The following PDZRN3 variants were observed in gnomAD, a reference collection of about 807,000 sequenced individuals.
PDZRN3 encodes E3 ubiquitin-protein ligase PDZRN3.
Under a neutral mutation model 85.7 loss-of-function variants are expected in PDZRN3, and 38 were observed. That is an observed-to-expected ratio of 0.44 (90% CI 0.34 to 0.58). PDZRN3 has a LOEUF of 0.58. Ranked by LOEUF, PDZRN3 falls within the 20% of genes least tolerant of loss-of-function variation. The pLI, the probability that PDZRN3 is intolerant of heterozygous loss-of-function variation, is 0.01. For synonymous variants in PDZRN3, 759 were observed against 638.0 expected, an observed-to-expected ratio of 1.19 and a Z score of -2.86; for missense variants, 1,629 against 1,506.4, an observed-to-expected ratio of 1.08 and a Z score of -1.35.
At chr3:73,455,704 T>C (rs1043393230) in intron 3 of PDZRN3, among the ~76,000 whole-genome samples, 1 of 152,232 alleles carries the variant, frequency 6.6e-6, no homozygotes, top group Non-Finnish European at 1.5e-5. Context: ...CTAGTTTAAA[T>C]AATAATAGAT....
At chr3:73,507,167 C>T (rs1236086885) in intron 3 of PDZRN3, among the ~76,000 whole-genome samples, 1 of 50,786 alleles carries the variant, frequency 2.0e-5, no homozygotes, top group Non-Finnish European at 3.5e-5. Context: ...GCATAGATTT[C>T]ATTCTCATTT....
At chr3:73,593,345 T>C (rs1702387515) in intron 3 of PDZRN3, among the ~76,000 whole-genome samples, 1 of 152,174 alleles carries the variant, frequency 6.6e-6, no homozygotes, top group African/African-American at 2.4e-5. Context: ...GCTTTGTGGA[T>C]TACCTAATTA....
intron 1 of PDZRN3, among the ~76,000 whole-genome samples, chr3:73,611,751 CTACTT>C (rs752085423): frequency 3.5e-4 from 53 of 152,320 alleles, no homozygotes; most frequent in Non-Finnish European, 6.9e-4. Context: ...ACAACCTTAA[CTACTT>C]TAGTTTAACT....
chr3:73,502,921 C>T (rs1240698880), intron 3 of PDZRN3, among the ~76,000 whole-genome samples: 1 of 152,182 alleles, frequency 6.6e-6, no homozygotes, highest in Non-Finnish European at 1.5e-5. Context: ...ATACTTTCTA[C>T]AAGATGGTCA....
In PDZRN3 at chr3:73,462,829, TA is replaced by T. The variant is rs569270919; in HGVS notation, c.919-58435del. Among the ~76,000 whole-genome samples, 6 of 152,326 alleles carry T rather than the reference TA, an allele frequency of 3.9e-5. No individual in the cohort carries two copies. The East Asian group carries it at 1.2e-3, about 29-fold the overall frequency. ...CATTAGCACATTTAACATTTGCAAC[TA>T]CCTTTTGCCTTAAGTCTTATTGGCC... is the stretch of plus-strand genomic sequence containing the variant. On this transcript the variant is annotated intron_variant, in intron 3 of 9. Coordinates refer to ENST00000263666, the MANE Select transcript of PDZRN3 (RefSeq NM_015009.3).
intron 3 of PDZRN3, among the ~76,000 whole-genome samples, chr3:73,513,453 G>A (rs1429197165): frequency 2.0e-5 from 3 of 152,176 alleles, no homozygotes; most frequent in African/African-American, 7.2e-5. Flanking sequence ...ACATCAGGCA[G>A]CAGATGCTCA....
At chr3:73,521,166 T>G (rs1432580845) in intron 3 of PDZRN3, among the ~76,000 whole-genome samples, 1 of 152,198 alleles carries the variant, frequency 6.6e-6, no homozygotes, top group Non-Finnish European at 1.5e-5. Flanking sequence ...TCAGGAGCAC[T>G]GGGTTGCCGG....
Position 73,533,485 on chromosome 3 carries a change from T to C in PDZRN3, c.918+68869A>G, listed in dbSNP as rs182680990. On this transcript the variant is annotated intron_variant, in intron 3 of 9. Coordinates refer to ENST00000263666, the MANE Select transcript of PDZRN3 (RefSeq NM_015009.3). Reference sequence around the variant, plus strand: ...TCTTTTTTTTATTTTGAACTCCAAATGCAATAATTGAAAACATATCTATCC... The same window carrying C: ...TCTTTTTTTTATTTTGAACTCCAAACGCAATAATTGAAAACATATCTATCC... Among the ~76,000 whole-genome samples, 1,483 of 152,276 alleles carry C rather than the reference T, an allele frequency of 9.7e-3. 25 individuals carry two copies. Among genetic ancestry groups the C allele is most frequent in the African/African-American group, 0.033 (1,376 of 41,552 alleles).
At chr3:73,552,870 T>A (rs1039157760) in intron 3 of PDZRN3, among the ~76,000 whole-genome samples, 1 of 152,194 alleles carries the variant, frequency 6.6e-6, no homozygotes, top group Non-Finnish European at 1.5e-5. Flanking sequence ...CCGAGCACAG[T>A]TGCTCAGTGT....
chr3:73,423,427 C>T (rs1702241174), intron 3 of PDZRN3, among the ~76,000 whole-genome samples: 1 of 152,190 alleles, frequency 6.6e-6, no homozygotes, highest in Non-Finnish European at 1.5e-5. Context: ...TCCCAGATGT[C>T]TAACAAATTA....
chr3:73,520,336 C>G (rs777834256), intron 3 of PDZRN3, among the ~76,000 whole-genome samples: 41 of 151,990 alleles, frequency 2.7e-4, no homozygotes, highest in Non-Finnish European at 5.4e-4. Context: ...GAGGCCTTGT[C>G]TCTATTAAAA....
At chr3:73,435,895 G>C (rs889576545) in intron 3 of PDZRN3, among the ~76,000 whole-genome samples, 2 of 152,078 alleles carry the variant, frequency 1.3e-5, no homozygotes, top group Non-Finnish European at 2.9e-5. Flanking sequence ...CTTCACCAGC[G>C]CCTATAGTGC....
chr3:73,621,335 G>A (rs765034670), intron 1 of PDZRN3, among the ~76,000 whole-genome samples: 1 of 152,184 alleles, frequency 6.6e-6, no homozygotes, highest in Non-Finnish European at 1.5e-5. Flanking sequence ...CTGAAGAGCT[G>A]GTACTGAAAA....
intron 3 of PDZRN3, 139 bp from the exon 4 acceptor site, chr3:73,404,534 G>A (rs1701816354): frequency 3.5e-6 from 3 of 850,948 alleles, no homozygotes; most frequent in Admixed American, 2.7e-5. Context: ...TCAGTTCTCT[G>A]TGTTTAGGTT....
chr3:73,440,172 G>A (rs1702607220), intron 3 of PDZRN3, among the ~76,000 whole-genome samples: 1 of 152,172 alleles, frequency 6.6e-6, no homozygotes, highest in African/African-American at 2.4e-5. Context: ...ATGGCTCACT[G>A]TTTCACTTGA....
chr3:73,397,086 T>A (rs1576033316), intron 5 of PDZRN3, among the ~76,000 whole-genome samples: 1 of 151,034 alleles, frequency 6.6e-6, no homozygotes, highest in Non-Finnish European at 1.5e-5. Flanking sequence ...CAGGCTGGAG[T>A]GCGGTGGCAC....
Position 73,464,265 on chromosome 3 carries a change from G to A in PDZRN3, c.919-59870C>T, listed in dbSNP as rs551355269. 4.1e-4 allele frequency among the ~76,000 whole-genome samples: 63 copies of A among 152,282 alleles called. 1 individual carries two copies. The South Asian group carries it at 0.013, about 31-fold the overall frequency. On this transcript the variant is annotated intron_variant, in intron 3 of 9. Transcript: ENST00000263666. Reference sequence around the variant, plus strand: ...CTCCCAAAGTGCTGGGATTATAGGCGTGAGCCATGGTGCCTGGCCCTGTGT... The same window carrying A: ...CTCCCAAAGTGCTGGGATTATAGGCATGAGCCATGGTGCCTGGCCCTGTGT...
At chr3:73,564,144 C>G (rs1235541287) in intron 3 of PDZRN3, among the ~76,000 whole-genome samples, 1 of 152,146 alleles carries the variant, frequency 6.6e-6, no homozygotes, top group Non-Finnish European at 1.5e-5. Flanking sequence ...CATCAAATAT[C>G]CCAAATATGG....
At chr3:73,466,499 G>A (rs776554418) in intron 3 of PDZRN3, among the ~76,000 whole-genome samples, 3 of 152,180 alleles carry the variant, frequency 2.0e-5, no homozygotes, top group African/African-American at 4.8e-5. Flanking sequence ...AATAACGACA[G>A]GTGATTATGG....
Sources: gnomAD v4.1 joint callset for allele counts (sites outside exome capture counted in the v4.1 genomes callset) on GRCh38, gnomAD v4.1.1 for gene constraint, MANE v1.5 for transcripts, NCBI Gene and HGNC (gene_info 2026-07-23, HGNC 2026-07-21) for gene names.